ZBTB7C: variants seen among roughly 807,000 people sequenced by gnomAD.
ZBTB7C encodes the protein zinc finger and BTB domain-containing protein 7C.
A neutral mutation model predicts 25.7 loss-of-function variants in ZBTB7C; 8 were observed. The observed-to-expected ratio is 0.31, with a 90% CI of 0.18 to 0.56. The LOEUF is 0.56. Among genes scored for constraint, ZBTB7C ranks in the 20% least tolerant of loss-of-function variants. The probability of loss-of-function intolerance (pLI) is 0.91; values close to 1 mark genes in which losing one functional copy is unlikely to be tolerated. For missense variants in ZBTB7C, 824 were observed against 855.2 expected (o/e 0.96, Z 0.46); for synonymous variants, 394 against 369.0 (o/e 1.07, Z -0.78).
At chr18:48,373,206 G>A (rs1004473466) in intron 1 of ZBTB7C, among the ~76,000 whole-genome samples, 3 of 151,988 alleles carry the variant, frequency 2.0e-5, no homozygotes, top group African/African-American at 7.3e-5. Flanking sequence ...TCTTGGGGGC[G>A]GATCCCTCAC....
chr18:48,280,735 G>C (rs2044815966), intron 2 of ZBTB7C, among the ~76,000 whole-genome samples: 1 of 152,042 alleles, frequency 6.6e-6, no homozygotes, highest in Non-Finnish European at 1.5e-5. Flanking sequence ...GAGAAATCTA[G>C]GGAAAGGACC....
intron 3 of ZBTB7C, among the ~76,000 whole-genome samples, chr18:48,116,044 A>G (rs1038130078): frequency 2.0e-5 from 3 of 152,008 alleles, no homozygotes; most frequent in African/African-American, 7.3e-5. Context: ...CATGCTACAG[A>G]TACTCTTTTG....
intron 2 of ZBTB7C, among the ~76,000 whole-genome samples, chr18:48,331,905 G>T (rs915003035): frequency 1.9e-4 from 29 of 152,136 alleles, no homozygotes; most frequent in South Asian, 1.5e-3. Flanking sequence ...AAATGTTTGT[G>T]TATGTTGTTC....
At chr18:48,294,644 C>T (rs944312188) in intron 2 of ZBTB7C, among the ~76,000 whole-genome samples, 2 of 151,754 alleles carry the variant, frequency 1.3e-5, no homozygotes, top group Admixed American at 1.3e-4. Flanking sequence ...CACATCAGGG[C>T]ATGCCTGCTG....
chr18:48,107,093 G>C (rs1568223692), intron 3 of ZBTB7C, among the ~76,000 whole-genome samples: 1 of 150,852 alleles, frequency 6.6e-6, no homozygotes, highest in African/African-American at 2.4e-5. Flanking sequence ...GGGAGGAAAG[G>C]AGAGAGGGGA....
intron 3 of ZBTB7C, among the ~76,000 whole-genome samples, chr18:48,168,397 G>A (rs1484207614): frequency 1.3e-5 from 2 of 152,172 alleles, no homozygotes; most frequent in African/African-American, 2.4e-5. Context: ...GGGGAAAAGT[G>A]GTGGATTTGA....
At chr18:48,057,490 A>G (rs2036964060) in intron 3 of ZBTB7C, among the ~76,000 whole-genome samples, 1 of 152,204 alleles carries the variant, frequency 6.6e-6, no homozygotes, top group Non-Finnish European at 1.5e-5. Context: ...AAAGAAAAAG[A>G]TGACCATGTG....
intron 1 of ZBTB7C, among the ~76,000 whole-genome samples, chr18:48,380,571 AG>A (rs1280828246): frequency 2.0e-5 from 3 of 152,172 alleles, no homozygotes; most frequent in Non-Finnish European, 1.5e-5. Flanking sequence ...CTGTCATCTG[AG>A]GGGGCCTAGA....
At chr18:48,199,440 T>C (rs1175146899) in intron 2 of ZBTB7C, among the ~76,000 whole-genome samples, 1 of 152,222 alleles carries the variant, frequency 6.6e-6, no homozygotes, top group African/African-American at 2.4e-5. Flanking sequence ...ATTTCTGCTA[T>C]TATATGTTTA....
At chr18:48,327,834 G>C (rs1208563155) in intron 2 of ZBTB7C, among the ~76,000 whole-genome samples, 1 of 150,210 alleles carries the variant, frequency 6.7e-6, no homozygotes, top group African/African-American at 2.5e-5. Flanking sequence ...TAAATTAATT[G>C]TCTGATTAAT....
In ZBTB7C at chr18:48,040,120, C is replaced by A; in HGVS notation, c.988G>T (p.Asp330Tyr). The change falls in exon 4 of 5, where the codon GAC becomes TAC. Residue 330 changes from aspartate to tyrosine, a missense_variant. By Grantham distance (160) the Asp-to-Tyr change is radical. Around this residue, in one of 4 missense-constraint regions of ZBTB7C, gnomAD observed 316 missense variants for 299.2 expected, o/e 1.06. Coordinates refer to ENST00000590800, the MANE Select transcript of ZBTB7C (RefSeq NM_001318841.2). Reference sequence around the variant, plus strand: ...AGGAAGTTGAGATAGGCACCGTAGTCGTTCTCCGCCTTGATGGGTCCCAGA... The same window carrying A: ...AGGAAGTTGAGATAGGCACCGTAGTAGTTCTCCGCCTTGATGGGTCCCAGA... ...GPLGPIKAEN[D>Y]YGAYLNFLSA... 1 of 1,597,348 alleles carries A rather than the reference C, an allele frequency of 6.3e-7. No individual in the cohort carries two copies. Among genetic ancestry groups the A allele is most frequent in the Non-Finnish European group, 8.5e-7 (1 of 1,171,678 alleles).
At chr18:48,246,834 T>C (rs2043709856) in intron 2 of ZBTB7C, among the ~76,000 whole-genome samples, 1 of 152,070 alleles carries the variant, frequency 6.6e-6, no homozygotes, top group Admixed American at 6.5e-5. Flanking sequence ...ACACACACCC[T>C]GGCCTCTGCC....
chr18:48,098,571 C>T (rs1008784628), intron 3 of ZBTB7C, among the ~76,000 whole-genome samples: 1 of 152,180 alleles, frequency 6.6e-6, no homozygotes, highest in African/African-American at 2.4e-5. Context: ...TGTGCTTTGG[C>T]TTCCTCGAAT....
intron 3 of ZBTB7C, among the ~76,000 whole-genome samples, chr18:48,105,251 C>G (rs185983543): frequency 6.6e-6 from 1 of 152,312 alleles, no homozygotes; most frequent in Admixed American, 6.5e-5. Flanking sequence ...CTTCAAATAG[C>G]AAAGTGATTT....
intron 3 of ZBTB7C, among the ~76,000 whole-genome samples, chr18:48,167,690 A>G (rs2041314722): frequency 6.6e-6 from 1 of 152,068 alleles, no homozygotes; most frequent in African/African-American, 2.4e-5. Context: ...GAAACAATGA[A>G]TTAGTGAGGA....
At chr18:48,060,960 C>T (rs1201415988) in intron 3 of ZBTB7C, among the ~76,000 whole-genome samples, 1 of 151,974 alleles carries the variant, frequency 6.6e-6, no homozygotes, top group Non-Finnish European at 1.5e-5. Flanking sequence ...CGCATCCAAC[C>T]CCAGCTGCTT....
chr18:48,249,800 C>G (rs1156661644), intron 2 of ZBTB7C, among the ~76,000 whole-genome samples: 1 of 152,134 alleles, frequency 6.6e-6, no homozygotes. Flanking sequence ...TAGCAAGACT[C>G]TTCTTACCAC....
chr18:48,169,744 A>G (rs1178256511), intron 3 of ZBTB7C: 1 of 150,940 alleles, frequency 6.6e-6, no homozygotes, highest in African/African-American at 2.4e-5. Flanking sequence ...GATTATAATA[A>G]TGCCCACTTT....
chr18:48,405,442 C>A (rs1311174259), intron 1 of ZBTB7C, among the ~76,000 whole-genome samples: 1 of 152,174 alleles, frequency 6.6e-6, no homozygotes, highest in Admixed American at 6.5e-5. Context: ...TTAGAAAAGC[C>A]AACTACCCTC....
Sources: gnomAD v4.1 joint callset for allele counts (sites outside exome capture counted in the v4.1 genomes callset) on GRCh38, gnomAD v4.1.1 for gene constraint, gnomAD v4.1.1 regional missense constraint, MANE v1.5 for transcripts, NCBI Gene and HGNC (gene_info 2026-07-23, HGNC 2026-07-21) for gene names.